Variants in KIAA0319 observed in about 807,000 individuals in gnomAD.
KIAA0319 encodes KIAA0319.
In KIAA0319, 83 loss-of-function variants were observed where a neutral mutation model predicts 108.4. The observed-to-expected ratio is 0.77, with a 90% CI of 0.64 to 0.92. The LOEUF (loss-of-function observed/expected upper bound fraction) is 0.92. Among genes scored for constraint, KIAA0319 ranks in the 40% least tolerant of loss-of-function variants. KIAA0319 has a pLI of 0.00. For synonymous variants in KIAA0319, 484 were observed against 510.4 expected (o/e 0.95, Z 0.70); for missense variants, 1,195 against 1,322.4 (o/e 0.90, Z 1.49).
chr6:24,604,320 A>G (rs1771095642), intron 1 of KIAA0319, among the ~76,000 whole-genome samples: 1 of 152,148 alleles, frequency 6.6e-6, no homozygotes, highest in South Asian at 2.1e-4. Flanking sequence ...GCAAGAGAAG[A>G]GCAACTGGCC....
chr6:24,607,688 T>C (rs912207746), intron 1 of KIAA0319, among the ~76,000 whole-genome samples: 3 of 152,238 alleles, frequency 2.0e-5, no homozygotes, highest in African/African-American at 7.2e-5. Flanking sequence ...AATTGTAAAC[T>C]TCCTGAGGAA....
chr6:24,560,959 T>C (rs537225235), intron 16 of KIAA0319, among the ~76,000 whole-genome samples: 1 of 152,218 alleles, frequency 6.6e-6, no homozygotes, highest in African/African-American at 2.4e-5. Flanking sequence ...TGAAAGGGTG[T>C]TGGATTTTGT....
At chr6:24,598,034 A>T in intron 2 of KIAA0319, 1 of 285,448 alleles carries the variant, frequency 3.5e-6, no homozygotes. Flanking sequence ...GTGACCCATA[A>T]GTCCTACAAG....
chr6:24,561,552 C>A (rs1447780382), intron 16 of KIAA0319, among the ~76,000 whole-genome samples: 1 of 152,104 alleles, frequency 6.6e-6, no homozygotes, highest in Non-Finnish European at 1.5e-5. Context: ...AATCCTCCCC[C>A]ACCCACATTT....
At chr6:24,584,180 C>T (rs928063134) in intron 4 of KIAA0319, among the ~76,000 whole-genome samples, 2 of 152,136 alleles carry the variant, frequency 1.3e-5, no homozygotes, top group Non-Finnish European at 1.5e-5. Flanking sequence ...TACTTGGAAC[C>T]TTTCCAAGAC....
intron 1 of KIAA0319, among the ~76,000 whole-genome samples, chr6:24,604,786 T>G (rs1404228066): frequency 6.6e-6 from 1 of 152,222 alleles, no homozygotes; most frequent in Non-Finnish European, 1.5e-5. Flanking sequence ...GGACTAGATG[T>G]TATCAAAAAT....
chr6:24,555,716 C>T (rs1762190844), intron 18 of KIAA0319, among the ~76,000 whole-genome samples: 1 of 152,062 alleles, frequency 6.6e-6, no homozygotes, highest in Non-Finnish European at 1.5e-5. Context: ...ATAGTTTTCT[C>T]CCCAGAAGGG....
At chr6:24,563,211 C>T (rs1763334079) in intron 16 of KIAA0319, 148 bp downstream of exon 16, 1 of 853,384 alleles carries the variant, frequency 1.2e-6, no homozygotes. Context: ...TACTACTGCC[C>T]TTTGAGAAAA....
chr6:24,639,965 AATG>A (rs771970297), intron 1 of KIAA0319, among the ~76,000 whole-genome samples: 1 of 152,136 alleles, frequency 6.6e-6, no homozygotes, highest in East Asian at 1.9e-4. Flanking sequence ...GTCAAATAAT[AATG>A]AAGTGAAAGA....
chr6:24,642,186 A>AAG (rs10684483), intron 1 of KIAA0319, among the ~76,000 whole-genome samples: 8 of 137,732 alleles, frequency 5.8e-5, no homozygotes, highest in Middle Eastern at 3.5e-3. Flanking sequence ...GAAAGAAAGA[A>AAG]AGAGAGAAAG....
chr6:24,551,162 A>AT (rs947411770), intron 20 of KIAA0319, among the ~76,000 whole-genome samples: 2 of 137,568 alleles, frequency 1.5e-5, no homozygotes, highest in African/African-American at 5.3e-5. Flanking sequence ...TTTTTTTTGT[A>AT]TTTTTTAGTA....
intron 1 of KIAA0319, among the ~76,000 whole-genome samples, chr6:24,637,909 C>A (rs754183742): frequency 2.6e-5 from 4 of 151,978 alleles, no homozygotes; most frequent in Non-Finnish European, 4.4e-5. Flanking sequence ...TGTGGGAGCA[C>A]AGCTGAAGAA....
At chr6:24,588,562 A>T in intron 4 of KIAA0319, 31 bp downstream of exon 4, 1 of 1,580,480 alleles carries the variant, frequency 6.3e-7, no homozygotes, top group South Asian at 1.1e-5. Context: ...TCTTCAGTAC[A>T]TTTCTTGAAA....
intron 1 of KIAA0319, among the ~76,000 whole-genome samples, chr6:24,617,686 C>T (rs879664516): frequency 1.3e-4 from 20 of 151,930 alleles, no homozygotes; most frequent in Admixed American, 8.5e-4. Flanking sequence ...AGCCAGGAAC[C>T]CTAAAGAAGT....
chr6:24,563,629 T>C, intron 15 of KIAA0319, 111 bp from the exon 16 acceptor site: 2 of 980,398 alleles, frequency 2.0e-6, no homozygotes, highest in Non-Finnish European at 2.9e-6. Flanking sequence ...CATTTCTACA[T>C]TTGAGTTGTA....
chr6:24,624,012 G>GTTTTT (rs1174655542), intron 1 of KIAA0319, among the ~76,000 whole-genome samples: 3 of 53,232 alleles, frequency 5.6e-5, no homozygotes, highest in Non-Finnish European at 9.8e-5. Flanking sequence ...GAATTTCTTT[G>GTTTTT]TTTTCTTTTT....
chr6:24,557,611 A>G (rs971740884), intron 17 of KIAA0319, among the ~76,000 whole-genome samples: 1 of 152,246 alleles, frequency 6.6e-6, no homozygotes, highest in Non-Finnish European at 1.5e-5. Flanking sequence ...ATTTATCTAC[A>G]TTATAGCATT....
chr6:24,631,837 A>AC (rs1453562383), intron 1 of KIAA0319, among the ~76,000 whole-genome samples: 1 of 152,110 alleles, frequency 6.6e-6, no homozygotes, highest in Non-Finnish European at 1.5e-5. Flanking sequence ...AAGTGCAGAC[A>AC]CCCCCGCCAA....
intron 3 of KIAA0319, among the ~76,000 whole-genome samples, chr6:24,592,945 C>A (rs1041327868): frequency 6.6e-6 from 1 of 151,818 alleles, no homozygotes; most frequent in Non-Finnish European, 1.5e-5. Context: ...CCACTCCAGC[C>A]TCGGTGACAA....
Sources: allele counts gnomAD v4.1 joint callset (sites outside exome capture counted in the v4.1 genomes callset), GRCh38; gene constraint gnomAD v4.1.1; transcripts MANE v1.5; gene names NCBI Gene and HGNC (gene_info 2026-07-23, HGNC 2026-07-21).